UBR3: variants seen among roughly 807,000 people sequenced by gnomAD.
The protein encoded by UBR3 is E3 ubiquitin-protein ligase UBR3.
In UBR3, 85 loss-of-function variants were observed where a neutral mutation model predicts 243.2. The ratio of observed to expected loss-of-function variants is 0.35; its 90% CI spans 0.29 to 0.42. The LOEUF (loss-of-function observed/expected upper bound fraction) is 0.42. Ranked by LOEUF, UBR3 falls within the 10% of genes least tolerant of loss-of-function variation. The pLI is 1.00. For missense variants in UBR3, 1,686 were observed against 2,300.8 expected (o/e 0.73, Z 5.47); for synonymous variants, 748 against 799.8 (o/e 0.94, Z 1.09).
intron 35 of UBR3, among the ~76,000 whole-genome samples, chr2:170,068,949 ATTAAT>A (rs1159291489): frequency 6.6e-6 from 1 of 152,226 alleles, no homozygotes; most frequent in African/African-American, 2.4e-5. Context: ...TCAAGTAAGA[ATTAAT>A]TTAGTTATCA....
chr2:169,893,335 A>G (rs1026642899), intron 6 of UBR3, among the ~76,000 whole-genome samples: 1 of 152,246 alleles, frequency 6.6e-6, no homozygotes, highest in Non-Finnish European at 1.5e-5. Context: ...ACAATTAATA[A>G]TAATTATGAT....
In UBR3 at chr2:170,068,298, G is replaced by A. The variant is rs149773891; in HGVS notation, c.5020-5130G>A. Among the ~76,000 whole-genome samples, 792 of 151,968 alleles carry A rather than the reference G, an allele frequency of 5.2e-3. 3 individuals are homozygous for A. Among genetic ancestry groups the A allele is most frequent in the Admixed American group, 9.2e-3 (141 of 15,270 alleles). On this transcript the variant is annotated intron_variant, in intron 35 of 38. Transcript: ENST00000272793. Reference sequence around the variant, plus strand: ...AGCCTGGCCAATATGGTAAAACCCCGTCTCTACTAAAATACAGAAATTAGC... The same window carrying A: ...AGCCTGGCCAATATGGTAAAACCCCATCTCTACTAAAATACAGAAATTAGC...
intron 1 of UBR3, among the ~76,000 whole-genome samples, chr2:169,836,057 ATATATATATATTTTTTTTTT>A (rs2082094012): frequency 7.2e-5 from 3 of 41,848 alleles, no homozygotes; most frequent in Non-Finnish European, 1.5e-4. Context: ...ATATATATAT[ATATATATATATTTTTTTTTT>A]TTTTTTTTTT....
rs565308674 is a variant in UBR3 at position 169,943,573 on chromosome 2, C to G, written c.2805+939C>G. Among the ~76,000 whole-genome samples the G allele has an allele frequency of 2.0e-5, 3 of 152,028 alleles. No individual in the cohort carries two copies. In the South Asian group the frequency reaches 6.2e-4, roughly 32 times the overall value. Reference sequence around the variant, plus strand: ...CCCAGATTGTGCCACTGCACTCCAGCCTGGGTGACAGAGCAGGACTCCAAC... The same window carrying G: ...CCCAGATTGTGCCACTGCACTCCAGGCTGGGTGACAGAGCAGGACTCCAAC... On this transcript the variant is annotated intron_variant, in intron 20 of 38. Coordinates refer to ENST00000272793, the MANE Select transcript of UBR3 (RefSeq NM_172070.4).
At chr2:169,859,191 C>T (rs374652025) in intron 1 of UBR3, among the ~76,000 whole-genome samples, 5 of 150,302 alleles carry the variant, frequency 3.3e-5, no homozygotes, top group African/African-American at 1.2e-4. Flanking sequence ...CCTGCTTCAG[C>T]CTCCCAAGTA....
chr2:169,890,567 G>GTATATATATATATGTATATATATGTGTA (rs2084320641), intron 5 of UBR3, among the ~76,000 whole-genome samples: 3 of 59,560 alleles, frequency 5.0e-5, no homozygotes, highest in African/African-American at 7.7e-5. Context: ...ATATATATGT[G>GTATATATATATATGTATATATATGTGTA]TATATATATA....
intron 1 of UBR3, among the ~76,000 whole-genome samples, chr2:169,839,288 G>A (rs534127862): frequency 6.6e-6 from 1 of 152,222 alleles, no homozygotes; most frequent in African/African-American, 2.4e-5. Context: ...AATATCACAT[G>A]TTCTCACTCA....
chr2:169,928,969 C>T, intron 18 of UBR3, 101 bp downstream of exon 18: 1 of 1,044,236 alleles, frequency 9.6e-7, no homozygotes, highest in East Asian at 2.9e-5. Context: ...TTCGTTCAAG[C>T]TTTGGTTTTC....
intron 1 of UBR3, among the ~76,000 whole-genome samples, chr2:169,846,889 C>A (rs2082498535): frequency 6.6e-6 from 1 of 152,156 alleles, no homozygotes; most frequent in African/African-American, 2.4e-5. Context: ...TGTGCTACCA[C>A]ACCCAGTGAA....
chr2:170,048,251 A>G (rs2091135315), intron 32 of UBR3, among the ~76,000 whole-genome samples: 2 of 151,826 alleles, frequency 1.3e-5, no homozygotes, highest in Admixed American at 1.3e-4. Flanking sequence ...TTTACAATAC[A>G]CCCCTTCCCC....
At chr2:170,047,599 G>A (rs776346789) in intron 32 of UBR3, among the ~76,000 whole-genome samples, 4 of 152,176 alleles carry the variant, frequency 2.6e-5, no homozygotes, top group Non-Finnish European at 4.4e-5. Flanking sequence ...GATCTTTCAA[G>A]AGAGAATGGA....
In UBR3 at chr2:169,956,250, A is replaced by T. The variant is rs139093740; in HGVS notation, c.3546-2188A>T. On this transcript the variant is annotated intron_variant, in intron 23 of 38. Transcript: ENST00000272793. ...TATCTGTGTATCTATCTATCTGGATAGATATATTTAACTTTTTTAGTTAAA... is the reference window on the plus strand; with the variant it reads ...TATCTGTGTATCTATCTATCTGGATTGATATATTTAACTTTTTTAGTTAAA... Among the ~76,000 whole-genome samples, 289 of 108,864 alleles carry T rather than the reference A, an allele frequency of 2.7e-3. 8 individuals carry two copies. The East Asian group carries it at 0.068, about 25-fold the overall frequency. The allele number at this position is 108,864 out of a possible 152,430, so 71.4% of individuals were successfully genotyped here.
intron 8 of UBR3, among the ~76,000 whole-genome samples, chr2:169,899,221 C>G (rs1574153330): frequency 6.6e-6 from 1 of 151,984 alleles, no homozygotes; most frequent in East Asian, 1.9e-4. Flanking sequence ...GTCAGGTGAT[C>G]CACCCACCTC....
chr2:170,081,740 T>C lies in UBR3; in HGVS notation c.5564T>C (p.Leu1855Pro). 6.2e-7 allele frequency: 1 copy of C among 1,605,606 alleles called. No individual in the cohort carries two copies. Among genetic ancestry groups the C allele is most frequent in the South Asian group, 1.1e-5 (1 of 89,432 alleles). The change falls in exon 39 of 39, where the codon CTC becomes CCC. Residue 1855 changes from leucine (L) to proline (P), a missense_variant. Transcript: ENST00000272793. Reference sequence around the variant, plus strand: ...TTTTGTTCTAGGCGAGGCAAACCTCTCTACATTTGTAAGGAAAGATACAAA... The same window carrying C: ...TTTTGTTCTAGGCGAGGCAAACCTCCCTACATTTGTAAGGAAAGATACAAA... ...EDRDLRRGKP[L>P]YICKERYKVL...
Position 170,080,746 on chromosome 2 carries a change from G to A in UBR3, c.5549+62G>A. 11 of 1,496,316 alleles carry A rather than the reference G, an allele frequency of 7.4e-6. 1 individual carries two copies. The South Asian group carries it at 9.6e-5, about 13-fold the overall frequency. The allele number at this position is 1,496,316 out of a possible 1,614,324, so 92.7% of individuals were successfully genotyped here. A position where few individuals can be genotyped will look rare whatever the true frequency, so the allele number is the denominator to read the frequency against. The stretch of plus-strand genomic sequence containing the variant: ...AAATTTGGTCAGTGAAAACCAATAT[G>A]CTATTCCTGGCTTTGTAATTACAAT... On this transcript the variant is annotated intron_variant, in intron 38 of 38. Transcript: ENST00000272793.
chr2:170,038,488 A>G (rs912077170), intron 31 of UBR3, among the ~76,000 whole-genome samples: 3 of 152,184 alleles, frequency 2.0e-5, no homozygotes, highest in African/African-American at 7.2e-5. Flanking sequence ...TCCTGTGGAA[A>G]CTTCTTCCAG....
intron 35 of UBR3, among the ~76,000 whole-genome samples, chr2:170,066,092 G>T (rs1031113446): frequency 6.6e-6 from 1 of 151,870 alleles, no homozygotes; most frequent in Non-Finnish European, 1.5e-5. Flanking sequence ...TAGCTGTCCT[G>T]CTAAATTCAG....
chr2:169,973,667 T>A (rs1393083646), intron 24 of UBR3, among the ~76,000 whole-genome samples: 1 of 152,200 alleles, frequency 6.6e-6, no homozygotes, highest in East Asian at 1.9e-4. Flanking sequence ...TTTGACTTCC[T>A]CCTTTTCCAT....
Position 170,061,115 on chromosome 2 carries a change from C to G in UBR3, c.4822C>G (p.Leu1608Val). ...CDAEKSYEVL[L>V]SFVISELFKG... is the part of the protein sequence containing the mutation. ...TGCAGAAAAGTCTTACGAAGTATTA[C>G]TGAGCTTTGTGATAAGTGAACTATT... Residue 1608 changes from leucine to valine, a missense_variant, in exon 34 of 39, where the codon CTG becomes GTG. Leu to Val is a conservative substitution (Grantham distance 32). Around this residue, in one of 8 missense-constraint regions of UBR3, gnomAD observed 371 missense variants for 422.5 expected, o/e 0.88. Coordinates refer to ENST00000272793, the MANE Select transcript of UBR3 (RefSeq NM_172070.4). 6.3e-7 allele frequency: 1 copy of G among 1,597,560 alleles called. No homozygotes were observed. Among genetic ancestry groups the G allele is most frequent in the Non-Finnish European group, 8.5e-7 (1 of 1,175,450 alleles).
Sources: allele counts gnomAD v4.1 joint callset (sites outside exome capture counted in the v4.1 genomes callset), GRCh38; gene constraint gnomAD v4.1.1; regional missense constraint gnomAD v4.1.1; transcripts MANE v1.5; gene names NCBI Gene and HGNC (gene_info 2026-07-23, HGNC 2026-07-21).